Variants in SIPA1L1 observed in about 807,000 individuals in gnomAD.
The protein encoded by SIPA1L1 is signal-induced proliferation-associated 1-like protein 1.
SIPA1L1 carries 26 observed loss-of-function variants against 162.7 expected under a neutral mutation model. That is an observed-to-expected ratio of 0.16 (90% confidence interval 0.12 to 0.22). The LOEUF (loss-of-function observed/expected upper bound fraction) is 0.22, where lower values mean the gene tolerates loss of function less well. Among genes scored for constraint, SIPA1L1 ranks in the 10% least tolerant of loss-of-function variants. The pLI is 1.00. For missense variants in SIPA1L1, 1,874 were observed against 2,241.0 expected, an observed-to-expected ratio of 0.84 and a Z score of 3.31; for synonymous variants, 829 against 837.4, an observed-to-expected ratio of 0.99 and a Z score of 0.17.
At chr14:71,521,531 T>G (rs758335742) in intron 3 of SIPA1L1, among the ~76,000 whole-genome samples, 20 of 152,218 alleles carry the variant, frequency 1.3e-4, no homozygotes, top group Non-Finnish European at 1.8e-4. Flanking sequence ...GAGAATTCTT[T>G]TATGGCCTAC....
chr14:71,391,101 A>ATG (rs1392228924), intron 2 of SIPA1L1, among the ~76,000 whole-genome samples: 4 of 120,510 alleles, frequency 3.3e-5, no homozygotes, highest in African/African-American at 1.2e-4. Flanking sequence ...TGTATTCAGT[A>ATG]TCTTTTTTTT....
rs531757602 is a variant in SIPA1L1 at position 71,495,775 on chromosome 14, A to G, written c.-464-16968A>G. Among the ~76,000 whole-genome samples the G allele has an allele frequency of 4.9e-4, 74 of 150,894 alleles. 1 individual carries two copies. The highest frequency in any genetic ancestry group is 9.9e-4 in the Non-Finnish European group (67 of 67,778). ...TAAAGCTATAAAATTCTCAGCTGTG[A>G]GCAGTGTTTCACACCTGTAATCCCA... On this transcript the variant is annotated intron_variant, in intron 2 of 23. Transcript: ENST00000381232.
chr14:71,720,471 C>G (rs1043654503), intron 17 of SIPA1L1, among the ~76,000 whole-genome samples: 1 of 151,982 alleles, frequency 6.6e-6, no homozygotes, highest in African/African-American at 2.4e-5. Flanking sequence ...ATCACAGCTA[C>G]TTAGGAGGCT....
At chr14:71,647,646 GGA>G (rs1567392675) in intron 7 of SIPA1L1, among the ~76,000 whole-genome samples, 3 of 152,210 alleles carry the variant, frequency 2.0e-5, no homozygotes, top group Admixed American at 2.0e-4. Context: ...CTCCCTGGAG[GGA>G]GAGAGTCAGG....
rs767200443 is a variant in SIPA1L1 at position 71,624,089 on chromosome 14, G to A, written c.1671G>A (p.Pro557=). The change falls in exon 7 of 24, where the codon CCG becomes CCA. Residue 557 remains proline, a synonymous_variant. Coordinates refer to ENST00000381232, the MANE Select transcript of SIPA1L1 (RefSeq NM_001386936.1). ...GTTCGGTCCTGGAGGACGCCATTCC[G>A]TCGACAGCCAAGCACTCGACAGCCA... The part of the protein sequence containing the change: ...LRGSVLEDAI[P]STAKHSTARG... The A allele has an allele frequency of 1.8e-5, 29 of 1,613,376 alleles. No individual in the cohort carries two copies. The highest frequency in any genetic ancestry group is 4.0e-5 in the African/African-American group (3 of 74,908).
At chr14:71,431,974 T>C (rs2044022190) in intron 2 of SIPA1L1, among the ~76,000 whole-genome samples, 1 of 152,098 alleles carries the variant, frequency 6.6e-6, no homozygotes, top group Admixed American at 6.5e-5. Context: ...CGTGTAGAAA[T>C]AGGCTTTGAC....
At chr14:71,482,398 A>G (rs1227859984) in intron 2 of SIPA1L1, among the ~76,000 whole-genome samples, 1 of 152,196 alleles carries the variant, frequency 6.6e-6, no homozygotes. Context: ...TGCTGGGTTT[A>G]GCGATTACCC....
At chr14:71,417,469 CAAAAAAAAAAAAAAAAAAA>C (rs58628136) in intron 2 of SIPA1L1, among the ~76,000 whole-genome samples, 1,282 of 17,844 alleles carry the variant, frequency 0.072, 61 homozygotes, top group Middle Eastern at 0.18. Flanking sequence ...GACTCCGTCT[CAAAAAAAAAAAAAAAAAAA>C]AAAAAAAAAA....
intron 2 of SIPA1L1, among the ~76,000 whole-genome samples, chr14:71,447,558 G>A (rs2045501498): frequency 1.5e-5 from 2 of 136,118 alleles, no homozygotes. Flanking sequence ...AGCATGTACT[G>A]TGGATTTTTT....
chr14:71,683,449 A>T (rs1418440590), intron 12 of SIPA1L1, among the ~76,000 whole-genome samples: 1 of 152,212 alleles, frequency 6.6e-6, no homozygotes, highest in African/African-American at 2.4e-5. Flanking sequence ...GCATTATTAT[A>T]AATTTTAGTC....
chr14:71,687,716 G>A (rs887162191), intron 13 of SIPA1L1, among the ~76,000 whole-genome samples: 1 of 152,174 alleles, frequency 6.6e-6, no homozygotes, highest in African/African-American at 2.4e-5. Context: ...AGATCCTTGA[G>A]TTCTAGAGGT....
At chr14:71,524,392 A>G (rs1260060798) in intron 3 of SIPA1L1, among the ~76,000 whole-genome samples, 1 of 152,184 alleles carries the variant, frequency 6.6e-6, no homozygotes, top group Non-Finnish European at 1.5e-5. Context: ...TTCCCCTTAT[A>G]TACTGGTTGA....
chr14:71,398,620 G>A (rs1046991101), intron 2 of SIPA1L1, among the ~76,000 whole-genome samples: 1 of 152,076 alleles, frequency 6.6e-6, no homozygotes, highest in African/African-American at 2.4e-5. Flanking sequence ...TTGTAATCTC[G>A]GAATGACTGA....
chr14:71,367,175 G>C (rs1223969850), intron 2 of SIPA1L1, among the ~76,000 whole-genome samples: 1 of 151,908 alleles, frequency 6.6e-6, no homozygotes, highest in Non-Finnish European at 1.5e-5. Context: ...ATCATTCCAT[G>C]TAAGGATATA....
At chr14:71,624,833 CAA>C (rs1453749395) in intron 7 of SIPA1L1, among the ~76,000 whole-genome samples, 1 of 152,110 alleles carries the variant, frequency 6.6e-6, no homozygotes, top group African/African-American at 2.4e-5. Flanking sequence ...CTTAGAGTTT[CAA>C]AGTCTATTAG....
At chr14:71,512,461 C>T (rs2051242044) in intron 2 of SIPA1L1, among the ~76,000 whole-genome samples, 1 of 151,634 alleles carries the variant, frequency 6.6e-6, no homozygotes, top group African/African-American at 2.4e-5. Flanking sequence ...GTGCCACGTG[C>T]CTATAGTCCC....
At chr14:71,734,262 G>A (rs2085079200) in intron 21 of SIPA1L1, among the ~76,000 whole-genome samples, 2 of 152,242 alleles carry the variant, frequency 1.3e-5, no homozygotes, top group Admixed American at 1.3e-4. Flanking sequence ...CGCGTTGTCT[G>A]TCTGCATTGT....
At chr14:71,326,855 G>A (rs2033879545) in intron 2 of SIPA1L1, among the ~76,000 whole-genome samples, 1 of 150,832 alleles carries the variant, frequency 6.6e-6, no homozygotes, top group Admixed American at 6.6e-5. Context: ...GGGATTACAG[G>A]CGTGTGCCAC....
At chr14:71,722,036 A>G (rs11158912) in intron 17 of SIPA1L1, among the ~76,000 whole-genome samples, 30,961 of 152,158 alleles carry the variant, frequency 0.2, 3,431 homozygotes, top group East Asian at 0.38. Flanking sequence ...GCTCTGCTGT[A>G]ACAGGCCAGC....
Sources: allele counts gnomAD v4.1 joint callset (sites outside exome capture counted in the v4.1 genomes callset), GRCh38; gene constraint gnomAD v4.1.1; transcripts MANE v1.5; gene names NCBI Gene and HGNC (gene_info 2026-07-23, HGNC 2026-07-21).